CNBD1: variants seen among roughly 807,000 people sequenced by gnomAD.
CNBD1 encodes cyclic nucleotide-binding domain-containing protein 1.
In CNBD1, 71 loss-of-function variants were observed where a neutral mutation model predicts 54.4. That is an observed-to-expected ratio of 1.30 (90% CI 1.08 to 1.59). CNBD1 has a LOEUF of 1.59. Ranked by LOEUF, CNBD1 falls within the 40% of genes most tolerant of loss-of-function variation. The pLI is 0.00. For missense variants in CNBD1, 659 were observed against 518.0 expected, an observed-to-expected ratio of 1.27 and a Z score of -2.64; for synonymous variants, 182 against 170.7, an observed-to-expected ratio of 1.07 and a Z score of -0.51.
Position 87,300,094 on chromosome 8 carries a change from G to A in CNBD1, c.1042+13423G>A, listed in dbSNP as rs146579605. On this transcript the variant is annotated intron_variant, in intron 8 of 10. Transcript: ENST00000518476. Reference sequence around the variant, plus strand: ...AAATGTTAACATGTGGAGAACATATGCAAATCAGTTATCCATAAGTCAGCA... The same window carrying A: ...AAATGTTAACATGTGGAGAACATATACAAATCAGTTATCCATAAGTCAGCA... Among the ~76,000 whole-genome samples the A allele has an allele frequency of 6.6e-3, 1,009 of 152,160 alleles. 14 individuals are homozygous for A. The highest frequency in any genetic ancestry group is 0.046 in the East Asian group (236 of 5,174).
intron 10 of CNBD1, among the ~76,000 whole-genome samples, chr8:87,382,062 G>C (rs1167309506): frequency 3.3e-5 from 5 of 151,540 alleles, no homozygotes; most frequent in Non-Finnish European, 5.9e-5. Context: ...CAACCACAGA[G>C]AGCCAGTCTA....
chr8:87,286,914 T>A (rs28475254), intron 8 of CNBD1, among the ~76,000 whole-genome samples: 42,762 of 151,986 alleles, frequency 0.28, 6,473 homozygotes, highest in African/African-American at 0.39. Context: ...TCTACTCCCT[T>A]TAACTGTTCC....
chr8:87,094,062 T>C (rs1271867236), intron 4 of CNBD1, among the ~76,000 whole-genome samples: 2 of 152,210 alleles, frequency 1.3e-5, no homozygotes, highest in African/African-American at 2.4e-5. Context: ...GTGACATCTA[T>C]GGCAATTTTC....
At chr8:87,420,030 C>G (rs1807904446) in intron 2 of CNBD1, among the ~76,000 whole-genome samples, 1 of 150,894 alleles carries the variant, frequency 6.6e-6, no homozygotes, top group Non-Finnish European at 1.5e-5. Flanking sequence ...AAGCACTATA[C>G]ATAATGACCA....
chr8:87,343,455 C>T (rs1310296170), intron 8 of CNBD1, among the ~76,000 whole-genome samples: 1 of 152,186 alleles, frequency 6.6e-6, no homozygotes, highest in Non-Finnish European at 1.5e-5. Flanking sequence ...ATGAAATCTT[C>T]ACAACTTAAT....
chr8:87,218,987 C>T (rs1031318926), intron 5 of CNBD1, among the ~76,000 whole-genome samples: 1 of 151,730 alleles, frequency 6.6e-6, no homozygotes, highest in Admixed American at 6.6e-5. Context: ...TGAAAAAAGT[C>T]AAAGGCTTTG....
At chr8:87,149,033 G>C (rs572261465) in intron 4 of CNBD1, among the ~76,000 whole-genome samples, 1 of 152,290 alleles carries the variant, frequency 6.6e-6, no homozygotes, top group African/African-American at 2.4e-5. Flanking sequence ...TCACAAAGGT[G>C]GTGGTCTACA....
At chr8:87,403,827 C>A (rs1807607192) in intron 2 of CNBD1, among the ~76,000 whole-genome samples, 1 of 151,814 alleles carries the variant, frequency 6.6e-6, no homozygotes, top group South Asian at 2.1e-4. Context: ...TTTAGCAATT[C>A]TTTTGGATCC....
chr8:87,252,940 C>T (rs572900733), intron 6 of CNBD1, among the ~76,000 whole-genome samples: 3 of 152,008 alleles, frequency 2.0e-5, no homozygotes, highest in East Asian at 1.9e-4. Flanking sequence ...AGGGCACATA[C>T]GTTTACTGCA....
At position 87,166,827 on chromosome 8, in the gene CNBD1, A is replaced by G. The variant is rs929448978; in HGVS notation, c.432-39166A>G. Among the ~76,000 whole-genome samples, 1 of 151,952 alleles carries G rather than the reference A, an allele frequency of 6.6e-6. No homozygotes were observed. The highest frequency in any genetic ancestry group is 1.5e-5 in the Non-Finnish European group (1 of 67,930). ...GAACACCCTATGTCAGGCATTCTGC[A>G]ACCCCACCACAAACTCATAATTGTT... On this transcript the variant is annotated intron_variant, in intron 4 of 10. Coordinates refer to ENST00000518476, the MANE Select transcript of CNBD1 (RefSeq NM_173538.3). This position sits in a 1 kb window ranked among gnomAD's most constrained non-coding sequence, Gnocchi z 4.3.
chr8:87,267,985 G>A (rs1478300514), intron 6 of CNBD1, among the ~76,000 whole-genome samples: 2 of 152,006 alleles, frequency 1.3e-5, no homozygotes, highest in Admixed American at 1.3e-4. Context: ...AGGGTCTGGC[G>A]ATACACATGT....
intron 5 of CNBD1, among the ~76,000 whole-genome samples, chr8:87,207,256 G>T (rs568364084): frequency 2.9e-4 from 44 of 152,030 alleles, no homozygotes; most frequent in African/African-American, 1.1e-3. Context: ...TAAAAAATAT[G>T]GGAACAATCT....
At chr8:86,975,902 T>C (rs1042025475) in intron 4 of CNBD1, among the ~76,000 whole-genome samples, 1 of 152,066 alleles carries the variant, frequency 6.6e-6, no homozygotes, top group Non-Finnish European at 1.5e-5. Context: ...GTTATCTTTT[T>C]TCTTTTTGAT....
intron 8 of CNBD1, among the ~76,000 whole-genome samples, chr8:87,329,099 GA>G (rs1166775602): frequency 1.3e-5 from 2 of 151,536 alleles, no homozygotes; most frequent in East Asian, 3.9e-4. Flanking sequence ...TAATTTTTGT[GA>G]AAAGTATATG....
intron 8 of CNBD1, among the ~76,000 whole-genome samples, chr8:87,296,963 C>T (rs1026063553): frequency 6.6e-6 from 1 of 151,714 alleles, no homozygotes; most frequent in African/African-American, 2.4e-5. Context: ...ATCACGAAGT[C>T]GGGAAATCAA....
intron 1 of CNBD1, among the ~76,000 whole-genome samples, chr8:86,869,784 C>T (rs1258281195): frequency 6.6e-6 from 1 of 151,950 alleles, no homozygotes; most frequent in African/African-American, 2.4e-5. Context: ...TAAGTACACA[C>T]ATGACCCATT....
At chr8:86,999,058 T>C (rs1808939324) in intron 4 of CNBD1, among the ~76,000 whole-genome samples, 2 of 152,246 alleles carry the variant, frequency 1.3e-5, no homozygotes, top group African/African-American at 4.8e-5. Context: ...AATATTTAAA[T>C]GTCCATGCCA....
intron 4 of CNBD1, among the ~76,000 whole-genome samples, chr8:87,116,195 CTTTT>C (rs71556428): frequency 1.3e-4 from 10 of 74,534 alleles, no homozygotes; most frequent in East Asian, 4.1e-4. Context: ...ATTCTCATGT[CTTTT>C]TTTTTTTTTT....
At chr8:87,028,797 T>C (rs1464812269) in intron 4 of CNBD1, among the ~76,000 whole-genome samples, 1 of 152,208 alleles carries the variant, frequency 6.6e-6, no homozygotes, top group African/African-American at 2.4e-5. Flanking sequence ...ATAAAACAAA[T>C]GTAAGTTTCA....
Sources: allele counts gnomAD v4.1 joint callset (sites outside exome capture counted in the v4.1 genomes callset), GRCh38; gene constraint gnomAD v4.1.1; non-coding constraint Gnocchi (gnomAD v3.1); transcripts MANE v1.5; gene names NCBI Gene and HGNC (gene_info 2026-07-23, HGNC 2026-07-21).